Variants in UROS observed in about 807,000 individuals in gnomAD.
UROS encodes the protein uroporphyrinogen III synthase.
A neutral mutation model predicts 33.0 loss-of-function variants in UROS; 18 were observed. That is an observed-to-expected ratio of 0.55 (90% CI 0.38 to 0.81). The LOEUF (loss-of-function observed/expected upper bound fraction) is 0.81, where lower values mean the gene tolerates loss of function less well. Among genes scored for constraint, UROS ranks in the 30% least tolerant of loss-of-function variants. The pLI is 0.00. For synonymous variants in UROS, 114 were observed against 121.1 expected, an observed-to-expected ratio of 0.94 and a Z score of 0.38; for missense variants, 293 against 314.9, an observed-to-expected ratio of 0.93 and a Z score of 0.53.
At chr10:125,789,269 A>G in intron 9 of UROS, 3 of 1,402,446 alleles carry the variant, frequency 2.1e-6, no homozygotes, top group South Asian at 3.0e-5. Flanking sequence ...TGAAGGCCCC[A>G]GGCTGGTGCT....
At position 125,788,820 on chromosome 10, in the gene UROS, C is replaced by G; in HGVS notation, c.*48G>C. Reference sequence around the variant, plus strand: ...TGCCGATGCCTGGCTCCATCCAGAGCCAGCCCAGCCCAGGGAGGCTGCATG... The same window carrying G: ...TGCCGATGCCTGGCTCCATCCAGAGGCAGCCCAGCCCAGGGAGGCTGCATG... On this transcript the variant is annotated 3_prime_UTR_variant, in exon 10 of 10. Coordinates refer to ENST00000368797, the MANE Select transcript of UROS (RefSeq NM_000375.3). The G allele has an allele frequency of 1.9e-6, 3 of 1,543,644 alleles. No homozygotes were observed. Among genetic ancestry groups the G allele is most frequent in the African/African-American group, 1.4e-5 (1 of 73,328 alleles).
At chr10:125,786,362 C>T (rs550056572), downstream of UROS, among the ~76,000 whole-genome samples, 4 of 151,794 alleles carry the variant, frequency 2.6e-5, no homozygotes, top group Non-Finnish European at 5.9e-5. Context: ...ACTGCAACCT[C>T]CAACTCCTGG....
intron 4 of UROS, among the ~76,000 whole-genome samples, chr10:125,813,557 A>C (rs1853006918): frequency 6.6e-6 from 1 of 152,164 alleles, no homozygotes; most frequent in Admixed American, 6.5e-5. Context: ...CGGCTCATAC[A>C]ACCTCTGCCT....
intron 1 of UROS, among the ~76,000 whole-genome samples, chr10:125,819,470 G>A (rs1396498903): frequency 1.3e-5 from 2 of 152,046 alleles, no homozygotes; most frequent in Non-Finnish European, 2.9e-5. Flanking sequence ...TCTATGCCTC[G>A]CTTTCTTCTG....
chr10:125,820,364 A>C (rs2133974637), intron 1 of UROS, among the ~76,000 whole-genome samples: 1 of 152,280 alleles, frequency 6.6e-6, no homozygotes, highest in Admixed American at 6.5e-5. Context: ...AGGGCAGAAG[A>C]TATCCCAGAT....
chr10:125,809,999 C>T (rs1402737675), intron 5 of UROS, among the ~76,000 whole-genome samples: 2 of 152,154 alleles, frequency 1.3e-5, no homozygotes, highest in African/African-American at 4.8e-5. Context: ...TTCACTGGAC[C>T]CTTGTTTTCA....
chr10:125,802,961 A>G (rs757593409), intron 6 of UROS: 1 of 1,612,844 alleles, frequency 6.2e-7, no homozygotes, highest in Non-Finnish European at 8.5e-7. Context: ...CCAATGATTC[A>G]TCAGCATAAG....
intron 8 of UROS, 111 bp downstream of exon 8, chr10:125,795,992 G>A: frequency 1.1e-6 from 1 of 934,788 alleles, no homozygotes; most frequent in East Asian, 2.4e-5. Flanking sequence ...GGTGACAGCT[G>A]GGGACAGTGA....
chr10:125,810,059 T>TC (rs766064407), intron 5 of UROS, among the ~76,000 whole-genome samples: 10 of 152,222 alleles, frequency 6.6e-5, no homozygotes, highest in Non-Finnish European at 1.3e-4. Context: ...GCTTCAAATG[T>TC]CCAACTTTCC....
In UROS at chr10:125,806,773, A is replaced by G. The variant is rs75395208; in HGVS notation, c.394+640T>C. Among the ~76,000 whole-genome samples the G allele has an allele frequency of 6.3e-3, 952 of 152,314 alleles. 7 individuals carry two copies. The highest frequency in any genetic ancestry group is 0.022 in the African/African-American group (896 of 41,562). On this transcript the variant is annotated intron_variant, in intron 6 of 9. Coordinates refer to ENST00000368797, the MANE Select transcript of UROS (RefSeq NM_000375.3). The stretch of plus-strand genomic sequence containing the variant: ...GTGTAAGAGCTTGCGGTTGTACTGG[A>G]CATTCAGGGAACAGAGAGGAAGGGA...
In UROS at chr10:125,822,421, C is replaced by T. The variant is rs977655252; in HGVS notation, c.-27+608G>A. Among the ~76,000 whole-genome samples, 4 of 151,974 alleles carry T rather than the reference C, an allele frequency of 2.6e-5. No individual in the cohort carries two copies. The South Asian group carries it at 8.3e-4, about 32-fold the overall frequency. On this transcript the variant is annotated intron_variant, in intron 1 of 9. Transcript: ENST00000368797. ...CACTGCAACCTCCGTCTCCTGGGGG[C>T]ATGCGATTCTCCTGCCTTAGCCTCC... is the stretch of plus-strand genomic sequence containing the variant.
At chr10:125,795,640 T>C (rs539202402) in intron 8 of UROS, among the ~76,000 whole-genome samples, 197 of 152,268 alleles carry the variant, frequency 1.3e-3, no homozygotes, top group Non-Finnish European at 2.4e-3. Context: ...CCCTCTCCAG[T>C]GTCTGCCCCT....
At chr10:125,794,827 TAA>T (rs112839143) in intron 9 of UROS, 51 bp downstream of exon 9, 8,292 of 1,273,690 alleles carry the variant, frequency 6.5e-3, no homozygotes, top group Non-Finnish European at 7.1e-3. Context: ...TCATAAAGAT[TAA>T]AAAAAAAAAA....
At chr10:125,795,660 C>A (rs1034371309) in intron 8 of UROS, among the ~76,000 whole-genome samples, 1 of 152,156 alleles carries the variant, frequency 6.6e-6, no homozygotes, top group Non-Finnish European at 1.5e-5. Context: ...TCCAGCTCCA[C>A]CAGCATCCCC....
intron 5 of UROS, among the ~76,000 whole-genome samples, chr10:125,810,935 G>C (rs937908121): frequency 2.0e-5 from 3 of 152,160 alleles, no homozygotes; most frequent in Admixed American, 1.3e-4. Flanking sequence ...CCTGCATTTA[G>C]AACATGTCCT....
At position 125,788,713 on chromosome 10, in the gene UROS, G is replaced by A. The variant is rs1715963292; in HGVS notation, c.*155C>T. The A allele has an allele frequency of 1.4e-6, 2 of 1,438,024 alleles. No individual in the cohort carries two copies. Among genetic ancestry groups the A allele is most frequent in the Non-Finnish European group, 1.8e-6 (2 of 1,100,282 alleles). 89.1% of individuals were successfully genotyped at this position (1,438,024 alleles called of 1,614,324 possible). A position where few individuals can be genotyped will look rare whatever the true frequency, so the allele number is the denominator to read the frequency against. Reference sequence around the variant, plus strand: ...CACGTGGGCCTGAGGCCAGCCCCAGGTCAGGTCCCGATCCCCGGTCCTCAG... The same window carrying A: ...CACGTGGGCCTGAGGCCAGCCCCAGATCAGGTCCCGATCCCCGGTCCTCAG... On this transcript the variant is annotated 3_prime_UTR_variant, in exon 10 of 10. Coordinates refer to ENST00000368797, the MANE Select transcript of UROS (RefSeq NM_000375.3).
chr10:125,809,822 C>G (rs560859817), intron 5 of UROS, among the ~76,000 whole-genome samples: 1 of 152,294 alleles, frequency 6.6e-6, no homozygotes, highest in Non-Finnish European at 1.5e-5. Flanking sequence ...GCTTCTGCCT[C>G]CCAAAGTGTT....
intron 5 of UROS, 47 bp from the exon 6 acceptor site, chr10:125,807,534 C>G (rs1238643397): frequency 6.8e-7 from 1 of 1,469,214 alleles, no homozygotes; most frequent in South Asian, 1.1e-5. Context: ...TTATTGAAGT[C>G]CTTTTGTTCC....
intron 1 of UROS, among the ~76,000 whole-genome samples, chr10:125,817,199 C>A (rs143201323): frequency 7.3e-6 from 1 of 136,940 alleles, no homozygotes; most frequent in Non-Finnish European, 1.5e-5. Flanking sequence ...TTAATAGCAA[C>A]GGGAAGCTTC....
Sources: allele counts gnomAD v4.1 joint callset (sites outside exome capture counted in the v4.1 genomes callset), GRCh38; gene constraint gnomAD v4.1.1; transcripts MANE v1.5; gene names NCBI Gene and HGNC (gene_info 2026-07-23, HGNC 2026-07-21).